The following LYN variants were observed in gnomAD, a reference collection of about 807,000 sequenced individuals.
The protein encoded by LYN is LYN proto-oncogene, Src family tyrosine kinase.
LYN carries 12 observed loss-of-function variants against 65.0 expected under a neutral mutation model. That is an observed-to-expected ratio of 0.18 (90% CI 0.12 to 0.30). The LOEUF (loss-of-function observed/expected upper bound fraction) is 0.30. LYN is among the 10% of genes least tolerant of loss of function. LYN has a pLI of 1.00. For synonymous variants in LYN, 222 were observed against 221.2 expected, an observed-to-expected ratio of 1.00 and a Z score of -0.03; for missense variants, 380 against 623.2, an observed-to-expected ratio of 0.61 and a Z score of 4.16.
intron 7 of LYN, 48 bp from the exon 8 acceptor site, chr8:55,953,784 G>T: frequency 6.3e-7 from 1 of 1,594,186 alleles, no homozygotes; most frequent in Non-Finnish European, 8.6e-7. Context: ...CACAGGTAAA[G>T]TACAAAGTAT....
intron 1 of LYN, among the ~76,000 whole-genome samples, chr8:55,889,510 A>T (rs333619): frequency 0.54 from 81,467 of 152,054 alleles, 22,219 homozygotes; most frequent in Middle Eastern, 0.59. Flanking sequence ...ACCCAGCCCA[A>T]GTATATTTAT....
intron 8 of LYN, among the ~76,000 whole-genome samples, chr8:55,956,118 AG>A (rs113823687): frequency 0.16 from 23,799 of 152,094 alleles, 1,964 homozygotes; most frequent in Middle Eastern, 0.27. Context: ...CATTAAAAAA[AG>A]AATGACTTGG....
chr8:55,961,642 C>T (rs905376002), intron 8 of LYN, among the ~76,000 whole-genome samples: 9 of 152,020 alleles, frequency 5.9e-5, no homozygotes, highest in African/African-American at 1.2e-4. Flanking sequence ...TTTTTTCCTT[C>T]GTCCTTTACT....
chr8:55,987,065 CTTTTTT>C (rs1038912007), intron 10 of LYN, among the ~76,000 whole-genome samples: 1 of 151,924 alleles, frequency 6.6e-6, no homozygotes, highest in African/African-American at 2.4e-5. Flanking sequence ...CTTTTTGCCT[CTTTTTT>C]TTCCACTGCC....
At chr8:55,950,110 C>T (rs897849476) in intron 4 of LYN, among the ~76,000 whole-genome samples, 1 of 152,192 alleles carries the variant, frequency 6.6e-6, no homozygotes, top group African/African-American at 2.4e-5. Flanking sequence ...CACTCCATTC[C>T]TTTCACTGCT....
At chr8:55,889,208 C>T (rs1804885160) in intron 1 of LYN, among the ~76,000 whole-genome samples, 1 of 152,022 alleles carries the variant, frequency 6.6e-6, no homozygotes, top group Admixed American at 6.6e-5. Context: ...GAGGCCAAGG[C>T]AGGAGGATAA....
At chr8:55,991,851 G>A (rs1808260027) in intron 10 of LYN, among the ~76,000 whole-genome samples, 1 of 152,122 alleles carries the variant, frequency 6.6e-6, no homozygotes, top group Non-Finnish European at 1.5e-5. Flanking sequence ...ACCATCATAT[G>A]TTTTCACTGA....
intron 1 of LYN, among the ~76,000 whole-genome samples, chr8:55,882,918 C>T (rs1287249414): frequency 1.3e-5 from 2 of 152,156 alleles, no homozygotes; most frequent in Non-Finnish European, 2.9e-5. Flanking sequence ...TTACAAATGC[C>T]TCTCAACTTA....
At chr8:55,982,079 T>C (rs886853259) in intron 10 of LYN, among the ~76,000 whole-genome samples, 9 of 152,172 alleles carry the variant, frequency 5.9e-5, no homozygotes, top group African/African-American at 2.2e-4. Context: ...CAGAGGTTGA[T>C]GCTAGAGTTC....
chr8:55,893,315 A>G (rs1743754100), intron 1 of LYN, among the ~76,000 whole-genome samples: 1 of 152,258 alleles, frequency 6.6e-6, no homozygotes, highest in South Asian at 2.1e-4. Flanking sequence ...AAATGCAAAT[A>G]TGTGGGTGTG....
At chr8:55,922,202 C>G (rs1299509388) in intron 1 of LYN, among the ~76,000 whole-genome samples, 1 of 152,188 alleles carries the variant, frequency 6.6e-6, no homozygotes, top group Non-Finnish European at 1.5e-5. Flanking sequence ...ATTCTCTCAC[C>G]TCAGCCTCCT....
chr8:55,969,059 T>G (rs1807536379), intron 9 of LYN, among the ~76,000 whole-genome samples: 2 of 152,156 alleles, frequency 1.3e-5, no homozygotes, highest in Non-Finnish European at 2.9e-5. Flanking sequence ...GGTGGGAGGA[T>G]TGCTTGAGTC....
At chr8:56,002,021 G>A (rs145206611) in intron 12 of LYN, among the ~76,000 whole-genome samples, 6 of 152,288 alleles carry the variant, frequency 3.9e-5, no homozygotes, top group African/African-American at 9.6e-5. Context: ...CAGCTCACAC[G>A]TGTAATCCTA....
intron 1 of LYN, among the ~76,000 whole-genome samples, chr8:55,883,861 GT>G (rs140384657): frequency 0.015 from 2,312 of 149,376 alleles, 60 homozygotes; most frequent in African/African-American, 0.053. Context: ...AAGTTGTTGG[GT>G]TTTTTTTTTC....
intron 1 of LYN, among the ~76,000 whole-genome samples, chr8:55,880,907 G>T (rs762659832): frequency 6.6e-6 from 1 of 152,230 alleles, no homozygotes; most frequent in Non-Finnish European, 1.5e-5. Flanking sequence ...CCAACAGCCT[G>T]CCTGTCATGT....
At chr8:55,915,207 G>A (rs926302183) in intron 1 of LYN, among the ~76,000 whole-genome samples, 1 of 152,110 alleles carries the variant, frequency 6.6e-6, no homozygotes, top group African/African-American at 2.4e-5. Context: ...AATGGATGCT[G>A]CCTGCCTTCC....
chr8:55,907,696 G>C (rs1308178419), intron 1 of LYN, among the ~76,000 whole-genome samples: 3 of 152,002 alleles, frequency 2.0e-5, no homozygotes, highest in Non-Finnish European at 4.4e-5. Flanking sequence ...GGGAGACCCT[G>C]TTTCTACAAA....
chr8:55,898,130 C>A (rs1805169877), intron 1 of LYN, among the ~76,000 whole-genome samples: 1 of 150,892 alleles, frequency 6.6e-6, no homozygotes, highest in Non-Finnish European at 1.5e-5. Context: ...GACACCCTCC[C>A]CCCAAAAAAA....
chr8:55,982,243 T>C (rs1333414596), intron 10 of LYN, among the ~76,000 whole-genome samples: 1 of 152,222 alleles, frequency 6.6e-6, no homozygotes, highest in African/African-American at 2.4e-5. Context: ...ATTACATTTA[T>C]ACTTCAGGTT....
Sources: gnomAD v4.1 joint callset for allele counts (sites outside exome capture counted in the v4.1 genomes callset) on GRCh38, gnomAD v4.1.1 for gene constraint, MANE v1.5 for transcripts, NCBI Gene and HGNC (gene_info 2026-07-23, HGNC 2026-07-21) for gene names.